Variants in TP53BP1 observed in about 807,000 individuals in gnomAD.
The protein encoded by TP53BP1 is TP53-binding protein 1.
Under a neutral mutation model 200.8 loss-of-function variants are expected in TP53BP1, and 61 were observed. That is an observed-to-expected ratio of 0.30 (90% CI 0.25 to 0.38). The LOEUF is 0.38. Among genes scored for constraint, TP53BP1 ranks in the 10% least tolerant of loss-of-function variants. The pLI, the probability that TP53BP1 is intolerant of heterozygous loss-of-function variation, is 1.00. For synonymous variants in TP53BP1, 822 were observed against 844.3 expected, an observed-to-expected ratio of 0.97 and a Z score of 0.46; for missense variants, 2,144 against 2,371.9, an observed-to-expected ratio of 0.90 and a Z score of 2.00.
At chr15:43,419,963 A>G (rs965906471) in intron 21 of TP53BP1, among the ~76,000 whole-genome samples, 1 of 152,214 alleles carries the variant, frequency 6.6e-6, no homozygotes, top group African/African-American at 2.4e-5. Context: ...GTAATACACC[A>G]AGGTTGGATT....
At chr15:43,459,443 G>C (rs1041846716) in intron 11 of TP53BP1, among the ~76,000 whole-genome samples, 1 of 152,066 alleles carries the variant, frequency 6.6e-6, no homozygotes, top group Non-Finnish European at 1.5e-5. Context: ...TAATTGAATA[G>C]ATTATTCAAA....
At chr15:43,450,579 C>T (rs1297343595) in intron 12 of TP53BP1, among the ~76,000 whole-genome samples, 1 of 152,154 alleles carries the variant, frequency 6.6e-6, no homozygotes, top group East Asian at 1.9e-4. Context: ...TACAGTTTTT[C>T]ACATCATCAA....
intron 21 of TP53BP1, among the ~76,000 whole-genome samples, chr15:43,417,818 C>T (rs2045302416): frequency 6.6e-6 from 1 of 152,148 alleles, no homozygotes; most frequent in African/African-American, 2.4e-5. Context: ...TAATAATGAA[C>T]AAAGGGCAAA....
chr15:43,423,206 CA>C (rs1450838686), intron 18 of TP53BP1, among the ~76,000 whole-genome samples: 3 of 149,272 alleles, frequency 2.0e-5, no homozygotes, highest in African/African-American at 7.4e-5. Flanking sequence ...ATTCTAAGAC[CA>C]ATCAGCAATG....
intron 11 of TP53BP1, among the ~76,000 whole-genome samples, chr15:43,465,525 A>G (rs1241636903): frequency 6.6e-6 from 1 of 152,136 alleles, no homozygotes; most frequent in African/African-American, 2.4e-5. Context: ...TTCAACATCC[A>G]AACAACAGAT....
At position 43,501,995 on chromosome 15, in the gene TP53BP1, C is replaced by G. The variant is rs188858482; in HGVS notation, c.-9+8375G>C. Among the ~76,000 whole-genome samples, 681 of 152,244 alleles carry G rather than the reference C, an allele frequency of 4.5e-3. 4 individuals carry two copies. The highest frequency in any genetic ancestry group is 0.015 in the African/African-American group (632 of 41,540). Reference sequence around the variant, plus strand: ...GGTCATAGGATGTGTGCTCCTTTCACTTTATAAGAAACTGCCAAAAACAGT... The same window carrying G: ...GGTCATAGGATGTGTGCTCCTTTCAGTTTATAAGAAACTGCCAAAAACAGT... On this transcript the variant is annotated intron_variant, in intron 1 of 27. Transcript: ENST00000263801.
chr15:43,424,990 A>G (rs1302108673), intron 18 of TP53BP1, among the ~76,000 whole-genome samples: 1 of 152,188 alleles, frequency 6.6e-6, no homozygotes, highest in Non-Finnish European at 1.5e-5. Context: ...GTTAGTTATC[A>G]CCAGAGTGGG....
At chr15:43,474,364 G>A (rs1350050832) in intron 10 of TP53BP1, among the ~76,000 whole-genome samples, 6 of 149,878 alleles carry the variant, frequency 4.0e-5, no homozygotes, top group African/African-American at 1.2e-4. Flanking sequence ...CTCAAGTGCC[G>A]CCAAAGTGGG....
At chr15:43,465,756 CTAT>C (rs2046559946) in intron 11 of TP53BP1, among the ~76,000 whole-genome samples, 2 of 152,064 alleles carry the variant, frequency 1.3e-5, no homozygotes, top group Admixed American at 1.3e-4. Context: ...ACCAGATCAC[CTAT>C]TAAAAGTCAA....
chr15:43,449,324 TAAAA>T (rs1406621228), intron 12 of TP53BP1, among the ~76,000 whole-genome samples: 1 of 152,058 alleles, frequency 6.6e-6, no homozygotes, highest in African/African-American at 2.4e-5. Flanking sequence ...TACAGAAACT[TAAAA>T]AACACCTTGC....
intron 17 of TP53BP1, among the ~76,000 whole-genome samples, chr15:43,428,470 G>T (rs1306985758): frequency 3.3e-5 from 5 of 152,094 alleles, no homozygotes; most frequent in Non-Finnish European, 7.4e-5. Context: ...ACCCCTAAAA[G>T]TTCATTATTT....
upstream of TP53BP1, chr15:43,493,201 G>T (rs900954032): frequency 1.2e-5 from 18 of 1,455,530 alleles, no homozygotes; most frequent in African/African-American, 2.3e-4. Flanking sequence ...TCCATTCGCT[G>T]CCGCCGCCCG....
Position 43,432,606 on chromosome 15 carries a change from A to G in TP53BP1, c.3263T>C (p.Ile1088Thr). The G allele has an allele frequency of 6.2e-7, 1 of 1,613,782 alleles. No individual in the cohort carries two copies. The highest frequency in any genetic ancestry group is 8.5e-7 in the Non-Finnish European group (1 of 1,179,754). ...CTTCATAGGCTGTTGACTCTGCCTG[A>G]TTGTATGGTCACCCTCCAATTTTTC... ...EKEKLEGDHT[I>T]RQSQQPMKPI... The change falls in exon 17 of 28, where the codon ATC becomes ACC. Residue 1088 changes from isoleucine to threonine, a missense_variant. Physicochemically the swap from Ile to Thr is moderately conservative, Grantham distance 89. Around this residue, in one of 4 missense-constraint regions of TP53BP1, gnomAD observed 1,700 missense variants for 1,710.3 expected, o/e 0.99. Coordinates refer to ENST00000382044, the MANE Select transcript of TP53BP1 (RefSeq NM_001141980.3).
intron 7 of TP53BP1, among the ~76,000 whole-genome samples, chr15:43,478,057 T>A (rs1434224665): frequency 1.3e-5 from 2 of 152,224 alleles, no homozygotes; most frequent in African/African-American, 2.4e-5. Context: ...TTTTGTTACA[T>A]ATAATGTTAT....
At chr15:43,412,674 T>C (rs1379971263) in intron 24 of TP53BP1, 2 of 471,202 alleles carry the variant, frequency 4.2e-6, no homozygotes, top group Non-Finnish European at 8.8e-6. Flanking sequence ...AACCTTACCC[T>C]CCACATGGGT....
intron 14 of TP53BP1, 74 bp from the exon 15 acceptor site, chr15:43,441,657 C>G (rs1046552262): frequency 9.6e-5 from 91 of 946,100 alleles, no homozygotes; most frequent in Non-Finnish European, 1.1e-4. Context: ...TAAACCTTCA[C>G]TCTGCTCTAC....
chr15:43,457,266 T>A (rs760914707), intron 11 of TP53BP1, 48 bp from the exon 12 acceptor site: 1 of 1,432,764 alleles, frequency 7.0e-7, no homozygotes, highest in Non-Finnish European at 9.3e-7. Flanking sequence ...CATGATCATA[T>A]ATCTTTTATA....
chr15:43,473,457 G>A (rs2046776478), intron 10 of TP53BP1, among the ~76,000 whole-genome samples: 1 of 151,672 alleles, frequency 6.6e-6, no homozygotes, highest in Admixed American at 6.6e-5. Context: ...GGTTCTCCAA[G>A]GCCCCACCAG....
At position 43,489,257 on chromosome 15, in the gene TP53BP1, C is replaced by T. The variant is rs183083563; in HGVS notation, c.371+2412G>A. 2.6e-4 allele frequency among the ~76,000 whole-genome samples: 39 copies of T among 152,304 alleles called. No individual in the cohort carries two copies. In the East Asian group the frequency reaches 6.9e-3, roughly 27 times the overall value. On this transcript the variant is annotated intron_variant, in intron 4 of 27. Transcript: ENST00000382044. The stretch of plus-strand genomic sequence containing the variant: ...TATAAGCTCCACAATGGCAAAAGCC[C>T]CTTTAAAGCACATGCCACAGTGCCT...
Sources: allele counts gnomAD v4.1 joint callset (sites outside exome capture counted in the v4.1 genomes callset), GRCh38; gene constraint gnomAD v4.1.1; regional missense constraint gnomAD v4.1.1; transcripts MANE v1.5; gene names NCBI Gene and HGNC (gene_info 2026-07-23, HGNC 2026-07-21).